The following SKAP1 variants were observed in gnomAD, a reference collection of about 807,000 sequenced individuals.
SKAP1 encodes src kinase associated phosphoprotein 1.
In SKAP1, 44 loss-of-function variants were observed where a neutral mutation model predicts 58.5. That is an observed-to-expected ratio of 0.75 (90% CI 0.59 to 0.97). The LOEUF (loss-of-function observed/expected upper bound fraction) is 0.97. SKAP1 is among the 50% of genes least tolerant of loss of function. The pLI, the probability that SKAP1 is intolerant of heterozygous loss-of-function variation, is 0.00. For missense variants in SKAP1, 390 were observed against 435.2 expected, an observed-to-expected ratio of 0.90 and a Z score of 0.92; for synonymous variants, 127 against 149.7, an observed-to-expected ratio of 0.85 and a Z score of 1.11.
At chr17:48,409,312 T>A (rs1244570914) in intron 1 of SKAP1, among the ~76,000 whole-genome samples, 1 of 152,154 alleles carries the variant, frequency 6.6e-6, no homozygotes, top group East Asian at 1.9e-4. Context: ...TGTCCCTCAA[T>A]AGGTGAATAG....
At chr17:48,336,273 C>T (rs1331867560) in intron 4 of SKAP1, among the ~76,000 whole-genome samples, 1 of 152,096 alleles carries the variant, frequency 6.6e-6, no homozygotes, top group Non-Finnish European at 1.5e-5. Flanking sequence ...CTAATAAACA[C>T]TTAGGCATCT....
intron 4 of SKAP1, among the ~76,000 whole-genome samples, chr17:48,267,449 T>C (rs1247046796): frequency 1.1e-4 from 16 of 152,186 alleles, no homozygotes; most frequent in Admixed American, 1.0e-3. Flanking sequence ...TAATCAATGA[T>C]TTTGGCTCTA....
At chr17:48,173,354 C>T (rs374119985) in intron 9 of SKAP1, among the ~76,000 whole-genome samples, 3 of 152,166 alleles carry the variant, frequency 2.0e-5, no homozygotes, top group South Asian at 2.1e-4. Flanking sequence ...AACCCTACCA[C>T]GAGGAATAAA....
chr17:48,380,353 T>C (rs982160148), intron 2 of SKAP1: 4 of 152,232 alleles, frequency 2.6e-5, no homozygotes, highest in Admixed American at 1.3e-4. Context: ...TGTCAGCTAC[T>C]GACAGTTCTT....
chr17:48,195,792 T>G (rs1429079108), intron 4 of SKAP1, among the ~76,000 whole-genome samples: 1 of 152,188 alleles, frequency 6.6e-6, no homozygotes, highest in Non-Finnish European at 1.5e-5. Flanking sequence ...GAGACCTCAA[T>G]AGACTCATGT....
chr17:48,319,240 C>T (rs1441934162), intron 4 of SKAP1, among the ~76,000 whole-genome samples: 1 of 152,060 alleles, frequency 6.6e-6, no homozygotes, highest in East Asian at 1.9e-4. Context: ...CAGAGGAATC[C>T]TTTTTGGGAC....
chr17:48,181,754 G>A (rs2064371967), intron 8 of SKAP1, among the ~76,000 whole-genome samples: 1 of 152,134 alleles, frequency 6.6e-6, no homozygotes, highest in Non-Finnish European at 1.5e-5. Flanking sequence ...ACTAACTCAA[G>A]GTTGGCTTAT....
intron 4 of SKAP1, among the ~76,000 whole-genome samples, chr17:48,235,852 C>G (rs2065174708): frequency 1.3e-5 from 2 of 152,126 alleles, no homozygotes; most frequent in African/African-American, 2.4e-5. Context: ...AGCCTATAGT[C>G]AAATATACCA....
intron 4 of SKAP1, among the ~76,000 whole-genome samples, chr17:48,205,027 CTTTCTTTCTT>C (rs879659742): frequency 0.049 from 2,737 of 55,866 alleles, 73 homozygotes; most frequent in Middle Eastern, 0.079. Context: ...TTCTTTCTTT[CTTTCTTTCTT>C]TCTCTCTCTC....
At chr17:48,151,057 A>G (rs1332674149) in intron 11 of SKAP1, among the ~76,000 whole-genome samples, 2 of 151,266 alleles carry the variant, frequency 1.3e-5, no homozygotes, top group Admixed American at 6.6e-5. Context: ...CCAAAGACAG[A>G]AGGAGGAAAA....
intron 4 of SKAP1, among the ~76,000 whole-genome samples, chr17:48,315,678 CA>C (rs1233012377): frequency 6.6e-6 from 1 of 152,064 alleles, no homozygotes; most frequent in African/African-American, 2.4e-5. Context: ...ATCCCTAATC[CA>C]AAAGCCCAAG....
chr17:48,410,286 C>G (rs1359479401), intron 1 of SKAP1, among the ~76,000 whole-genome samples: 1 of 152,078 alleles, frequency 6.6e-6, no homozygotes, highest in African/African-American at 2.4e-5. Flanking sequence ...TTGGAGACAT[C>G]AGTAAGAGCC....
chr17:48,171,944 C>T (rs946255307), intron 9 of SKAP1, among the ~76,000 whole-genome samples: 10 of 152,022 alleles, frequency 6.6e-5, no homozygotes, highest in East Asian at 1.9e-4. Flanking sequence ...CCTGTAACCC[C>T]GGCTACTCAG....
intron 3 of SKAP1, among the ~76,000 whole-genome samples, chr17:48,359,342 GT>G (rs1260902279): frequency 6.6e-6 from 1 of 151,964 alleles, no homozygotes; most frequent in Non-Finnish European, 1.5e-5. Flanking sequence ...ATAAAGAACT[GT>G]TTTTAAAAAA....
intron 4 of SKAP1, among the ~76,000 whole-genome samples, chr17:48,295,243 G>A (rs1267927194): frequency 6.6e-6 from 1 of 152,144 alleles, no homozygotes; most frequent in African/African-American, 2.4e-5. Context: ...TGATTCCATA[G>A]ACGTCTAAAT....
chr17:48,236,891 T>C (rs1020101303), intron 4 of SKAP1, among the ~76,000 whole-genome samples: 1 of 152,216 alleles, frequency 6.6e-6, no homozygotes, highest in Non-Finnish European at 1.5e-5. Context: ...AGTAGTTACA[T>C]TTCTTACTAT....
intron 4 of SKAP1, among the ~76,000 whole-genome samples, chr17:48,270,026 C>T (rs1296854724): frequency 2.6e-5 from 4 of 152,070 alleles, no homozygotes; most frequent in Non-Finnish European, 4.4e-5. Flanking sequence ...GCAGGAGTAT[C>T]GCTTGAACCA....
intron 4 of SKAP1, among the ~76,000 whole-genome samples, chr17:48,267,980 A>T (rs2065575772): frequency 1.3e-5 from 2 of 152,196 alleles, no homozygotes; most frequent in South Asian, 4.1e-4. Flanking sequence ...AAAATCAGAG[A>T]ACTTAAATGA....
chr17:48,361,393 C>T (rs747939102), intron 3 of SKAP1, among the ~76,000 whole-genome samples: 4 of 151,684 alleles, frequency 2.6e-5, no homozygotes, highest in Non-Finnish European at 4.4e-5. Context: ...GTAGTAGAGA[C>T]AGGGTTTCAC....
Sources: allele counts gnomAD v4.1 joint callset (sites outside exome capture counted in the v4.1 genomes callset), GRCh38; gene constraint gnomAD v4.1.1; transcripts MANE v1.5; gene names NCBI Gene and HGNC (gene_info 2026-07-23, HGNC 2026-07-21).